Variants in SPMIP6 observed in about 807,000 individuals in gnomAD.
The protein encoded by SPMIP6 is sperm microtubule inner protein 6.
chr9:34,386,378 G>A, the SPMIP6 span, among the ~76,000 whole-genome samples: 8 of 152,092 alleles, frequency 5.3e-5, no homozygotes, highest in South Asian at 8.3e-4. Flanking sequence ...GGCGGATCAC[G>A]AGATCAAGAG....
chr9:34,395,622 A>T, the SPMIP6 span, among the ~76,000 whole-genome samples: 1 of 152,208 alleles, frequency 6.6e-6, no homozygotes, highest in Non-Finnish European at 1.5e-5. Context: ...ATCTCTATCT[A>T]TAACCCAGAC....
chr9:34,395,303 C>T, the SPMIP6 span, among the ~76,000 whole-genome samples: 2 of 152,200 alleles, frequency 1.3e-5, no homozygotes, highest in Admixed American at 6.5e-5. Flanking sequence ...ATCTGACTTT[C>T]ACTCCTCGCC....
At chr9:34,384,856 T>TG in the SPMIP6 span, among the ~76,000 whole-genome samples, 2 of 152,012 alleles carry the variant, frequency 1.3e-5, no homozygotes, top group Non-Finnish European at 2.9e-5. Context: ...TCCGAGAACC[T>TG]AGGCTGTTGA....
the SPMIP6 span, chr9:34,385,695 C>G: frequency 6.2e-7 from 1 of 1,613,870 alleles, no homozygotes; most frequent in African/African-American, 1.3e-5. Flanking sequence ...ATATGGACCC[C>G]CTATAAGTGT....
At chr9:34,384,054 T>C in the SPMIP6 span, among the ~76,000 whole-genome samples, 3 of 152,168 alleles carry the variant, frequency 2.0e-5, no homozygotes, top group Non-Finnish European at 4.4e-5. Flanking sequence ...TCTGAAAGAA[T>C]ACATATGCGA....
At chr9:34,379,782 T>C in the SPMIP6 span, 3 of 1,455,680 alleles carry the variant, frequency 2.1e-6, no homozygotes, top group African/African-American at 4.2e-5. The surrounding 1 kb of genome is among the most constrained non-coding windows in gnomAD (Gnocchi z 4.2). Context: ...CTTTTGACTC[T>C]CATCCCCCGA....
At chr9:34,380,545 G>A in the SPMIP6 span, 1 of 1,208,784 alleles carries the variant, frequency 8.3e-7, no homozygotes, top group East Asian at 3.5e-5. Flanking sequence ...AAGGGGGCAG[G>A]GCCAAGGAGA....
the SPMIP6 span, chr9:34,382,712 G>T: frequency 7.5e-7 from 1 of 1,327,860 alleles, no homozygotes; most frequent in Non-Finnish European, 1.1e-6. Flanking sequence ...TGGGGTATGC[G>T]TGTCCCAGTC....
At chr9:34,395,926 T>G in the SPMIP6 span, among the ~76,000 whole-genome samples, 1 of 152,232 alleles carries the variant, frequency 6.6e-6, no homozygotes, top group African/African-American at 2.4e-5. Flanking sequence ...AAATGTAAAT[T>G]GTTACAACCC....
the SPMIP6 span, chr9:34,381,838 A>C: frequency 5.3e-6 from 5 of 939,868 alleles, no homozygotes; most frequent in Non-Finnish European, 6.3e-6. This position sits in a 1 kb window ranked among gnomAD's most constrained non-coding sequence, Gnocchi z 4.4. Flanking sequence ...AGGAAGTTCT[A>C]ATTCAAAAGG....
At chr9:34,385,969 C>T in the SPMIP6 span, among the ~76,000 whole-genome samples, 1 of 152,220 alleles carries the variant, frequency 6.6e-6, no homozygotes, top group Non-Finnish European at 1.5e-5. Flanking sequence ...CTGAATTACC[C>T]TTTCCTCCTT....
chr9:34,397,747 G>C, the SPMIP6 span: 1 of 1,094,462 alleles, frequency 9.1e-7, no homozygotes, highest in Admixed American at 2.4e-5. Flanking sequence ...GGTGCCCTTA[G>C]CTGCTATAAT....
At chr9:34,385,617 A>T in the SPMIP6 span, 1 of 1,601,076 alleles carries the variant, frequency 6.2e-7, no homozygotes, top group Non-Finnish European at 8.5e-7. Flanking sequence ...TTTAGGGGTC[A>T]GCAAAGGGTG....
the SPMIP6 span, chr9:34,381,882 A>G: frequency 2.9e-6 from 2 of 699,252 alleles, no homozygotes; most frequent in Non-Finnish European, 3.5e-6. This position sits in a 1 kb window ranked among gnomAD's most constrained non-coding sequence, Gnocchi z 4.4. Context: ...ATCAGCCTGC[A>G]GTTAAGAGCC....
At chr9:34,381,009 T>A in the SPMIP6 span, 6 of 1,611,020 alleles carry the variant, frequency 3.7e-6, no homozygotes, top group Non-Finnish European at 5.1e-6. The surrounding 1 kb of genome is among the most constrained non-coding windows in gnomAD (Gnocchi z 4.4). Flanking sequence ...GAGCAAGCAC[T>A]TTCGTAACCA....
At chr9:34,385,677 G>T in the SPMIP6 span, 2 of 1,613,910 alleles carry the variant, frequency 1.2e-6, 1 homozygote, top group Middle Eastern at 3.3e-4. Context: ...GCAAGTAGGG[G>T]TGGCCTGATA....
chr9:34,380,739 C>G, the SPMIP6 span: 4 of 1,548,376 alleles, frequency 2.6e-6, no homozygotes, highest in Non-Finnish European at 3.5e-6. Context: ...GCCTTGGAGC[C>G]CGAGGGCGGG....
At chr9:34,380,582 C>T in the SPMIP6 span, 8 of 1,401,764 alleles carry the variant, frequency 5.7e-6, no homozygotes, top group Admixed American at 2.7e-5. Flanking sequence ...GACTGATGTG[C>T]GGGGTTTCTT....
the SPMIP6 span, chr9:34,382,952 C>A: frequency 1.0e-6 from 1 of 953,538 alleles, no homozygotes; most frequent in Non-Finnish European, 1.7e-6. Context: ...GTTTCTCTTC[C>A]GATTCCCAGC....
Sources: gnomAD v4.1 joint callset for allele counts (sites outside exome capture counted in the v4.1 genomes callset) on GRCh38, gnomAD v4.1.1 for gene constraint, Gnocchi (gnomAD v3.1) non-coding constraint, MANE v1.5 for transcripts, NCBI Gene and HGNC (gene_info 2026-07-23, HGNC 2026-07-21) for gene names.